Variants in CDH4 observed in about 807,000 individuals in gnomAD.
CDH4 encodes cadherin 4, also known as cadherin-4.
In CDH4, 33 loss-of-function variants were observed where a neutral mutation model predicts 86.0. The observed-to-expected ratio is 0.38, with a 90% CI of 0.29 to 0.51. The LOEUF is 0.51. CDH4 is among the 20% of genes least tolerant of loss of function. CDH4 has a pLI of 0.86. For synonymous variants in CDH4, 555 were observed against 549.4 expected (o/e 1.01, Z -0.14); for missense variants, 1,114 against 1,307.4 (o/e 0.85, Z 2.28).
At position 61,339,480 on chromosome 20, in the gene CDH4, T is replaced by G. The variant is rs115876976; in HGVS notation, c.169+84543T>G. 6.6e-3 allele frequency among the ~76,000 whole-genome samples: 1,010 copies of G among 152,346 alleles called. 12 individuals are homozygous for G. Among genetic ancestry groups the G allele is most frequent in the African/African-American group, 0.022 (916 of 41,572 alleles). Reference sequence around the variant, plus strand: ...GTGCATGTGTGTGTGTGATCATTTTTGGGACATTCCTGTGTGTTTGAAATA... The same window carrying G: ...GTGCATGTGTGTGTGTGATCATTTTGGGGACATTCCTGTGTGTTTGAAATA... On this transcript the variant is annotated intron_variant, in intron 2 of 15. Transcript: ENST00000614565.
chr20:61,619,569 G>A (rs1405150528), intron 2 of CDH4, among the ~76,000 whole-genome samples: 4 of 152,234 alleles, frequency 2.6e-5, no homozygotes, highest in Admixed American at 2.6e-4. Context: ...GAAGAAGAGT[G>A]AGCTTTGTTT....
intron 2 of CDH4, chr20:61,718,249 T>TCTGCCTC (rs1383616246): frequency 1.9e-5 from 3 of 161,352 alleles, no homozygotes; most frequent in Non-Finnish European, 4.1e-5. Context: ...CAGACCCCAC[T>TCTGCCTC]CTGCCTCCGG....
chr20:61,383,546 A>C (rs2084926599), intron 2 of CDH4, among the ~76,000 whole-genome samples: 1 of 93,558 alleles, frequency 1.1e-5, no homozygotes, highest in African/African-American at 5.7e-5. Context: ...AATATATATG[A>C]ATATATATGA....
At chr20:61,543,958 A>T (rs192869672) in intron 2 of CDH4, among the ~76,000 whole-genome samples, 1 of 152,318 alleles carries the variant, frequency 6.6e-6, no homozygotes, top group East Asian at 1.9e-4. Flanking sequence ...ATCTGCAAAG[A>T]TAGGCTCTCC....
chr20:61,565,221 T>TGGTGGTGGTGGTCCTCTTGGTGATGGGG (rs1414076004), intron 2 of CDH4, among the ~76,000 whole-genome samples: 565 of 40,546 alleles, frequency 0.014, 87 homozygotes, highest in Middle Eastern at 0.047. Context: ...CTCTCGGTGG[T>TGGTGGTGGTGGTCCTCTTGGTGATGGGG]AGGTGGTGGT....
At chr20:61,535,852 C>G (rs1251333177) in intron 2 of CDH4, among the ~76,000 whole-genome samples, 1 of 152,200 alleles carries the variant, frequency 6.6e-6, no homozygotes, top group Non-Finnish European at 1.5e-5. Context: ...ACCCCCTGTT[C>G]CCGCTCCTGC....
At chr20:61,759,350 C>T (rs1600956254) in intron 3 of CDH4, among the ~76,000 whole-genome samples, 2 of 152,318 alleles carry the variant, frequency 1.3e-5, no homozygotes, top group South Asian at 4.1e-4. Flanking sequence ...TTGTAGCTGG[C>T]AGAAAGATTC....
chr20:61,736,806 G>A (rs928213112), intron 2 of CDH4, among the ~76,000 whole-genome samples: 9 of 152,124 alleles, frequency 5.9e-5, no homozygotes, highest in Admixed American at 1.3e-4. Flanking sequence ...CACCCGGGGC[G>A]GGGGCCACAG....
intron 2 of CDH4, among the ~76,000 whole-genome samples, chr20:61,628,490 C>T (rs1021321257): frequency 5.3e-5 from 8 of 152,210 alleles, no homozygotes; most frequent in Non-Finnish European, 8.8e-5. Flanking sequence ...TTTACAAACT[C>T]GTATTTTCTC....
intron 2 of CDH4, among the ~76,000 whole-genome samples, chr20:61,598,393 C>A (rs1013217740): frequency 6.6e-6 from 1 of 151,658 alleles, no homozygotes; most frequent in African/African-American, 2.4e-5. Flanking sequence ...CATGCACCCC[C>A]CAAAACCCCC....
At chr20:61,860,606 A>G (rs556121162) in intron 6 of CDH4, among the ~76,000 whole-genome samples, 6 of 152,326 alleles carry the variant, frequency 3.9e-5, no homozygotes, top group African/African-American at 1.4e-4. Flanking sequence ...ACAGCACCTC[A>G]GAAGGGCCCC....
intron 2 of CDH4, among the ~76,000 whole-genome samples, chr20:61,262,469 G>A (rs907241916): frequency 6.6e-6 from 1 of 152,210 alleles, no homozygotes; most frequent in Non-Finnish European, 1.5e-5. Flanking sequence ...CTTCCTGGGC[G>A]CAGGGTCACT....
At chr20:61,495,744 A>G (rs1050963123) in intron 2 of CDH4, among the ~76,000 whole-genome samples, 8 of 151,844 alleles carry the variant, frequency 5.3e-5, no homozygotes, top group Non-Finnish European at 4.4e-5. Context: ...CTCTACTAAA[A>G]ATATAAAAAT....
intron 2 of CDH4, among the ~76,000 whole-genome samples, chr20:61,371,108 A>G (rs1197975384): frequency 6.6e-6 from 1 of 152,218 alleles, no homozygotes; most frequent in Admixed American, 6.5e-5. Context: ...TGGAGCGAGC[A>G]GGCTGGGCAC....
chr20:61,422,751 T>A (rs1003454871), intron 2 of CDH4, among the ~76,000 whole-genome samples: 5 of 152,122 alleles, frequency 3.3e-5, no homozygotes, highest in Non-Finnish European at 5.9e-5. Context: ...GAGTTCCTGT[T>A]CTTGGCCACC....
Position 61,663,743 on chromosome 20 carries a change from G to A in CDH4, c.170-79820G>A, listed in dbSNP as rs930467922. On this transcript the variant is annotated intron_variant, in intron 2 of 15. Coordinates refer to ENST00000614565, the MANE Select transcript of CDH4 (RefSeq NM_001794.5). This position sits in a 1 kb window ranked among gnomAD's most constrained non-coding sequence, Gnocchi z 5.0. The stretch of plus-strand genomic sequence containing the variant: ...GCAGAACCAGGCAGGGCTGACAGAC[G>A]CGGGGTCGGGGGAAGATCAGGAGCT... Among the ~76,000 whole-genome samples the A allele has an allele frequency of 3.3e-5, 5 of 151,702 alleles. No individual in the cohort carries two copies. The highest frequency in any genetic ancestry group is 7.3e-5 in the African/African-American group (3 of 41,248).
rs953091761 is a variant in CDH4, at chr20:61,498,112, C to T, written c.169+243175C>T. ...TAGGAGATATACCTAATGTAAATGA[C>T]GAGTTAATGGGTGCAGCACACCAAC... On this transcript the variant is annotated intron_variant, in intron 2 of 15. Coordinates refer to ENST00000614565, the MANE Select transcript of CDH4 (RefSeq NM_001794.5). Among the ~76,000 whole-genome samples the T allele has an allele frequency of 4.6e-5, 7 of 151,120 alleles. No individual in the cohort carries two copies. In the South Asian group the frequency reaches 1.5e-3, roughly 32 times the overall value.
intron 2 of CDH4, among the ~76,000 whole-genome samples, chr20:61,648,689 T>G (rs1044077023): frequency 6.6e-6 from 1 of 152,054 alleles, no homozygotes; most frequent in African/African-American, 2.4e-5. Context: ...AAAGGTAGCT[T>G]TTTGAGGCGC....
intron 4 of CDH4, among the ~76,000 whole-genome samples, chr20:61,841,524 A>ACT (rs1310393447): frequency 1.3e-5 from 2 of 152,178 alleles, no homozygotes; most frequent in Non-Finnish European, 2.9e-5. Context: ...GGCCTTGGGC[A>ACT]GTAGAGGGAG....
Sources: gnomAD v4.1 joint callset for allele counts (sites outside exome capture counted in the v4.1 genomes callset) on GRCh38, gnomAD v4.1.1 for gene constraint, Gnocchi (gnomAD v3.1) non-coding constraint, MANE v1.5 for transcripts, NCBI Gene and HGNC (gene_info 2026-07-23, HGNC 2026-07-21) for gene names.